The following MMP20 variants were observed in gnomAD, a reference collection of about 807,000 sequenced individuals.
MMP20 encodes matrix metalloproteinase-20.
In MMP20, 50 loss-of-function variants were observed where a neutral mutation model predicts 51.8. That is an observed-to-expected ratio of 0.97 (90% CI 0.77 to 1.22). MMP20 has a LOEUF of 1.22. MMP20 is among the 50% of genes most tolerant of loss of function. The pLI is 0.00. For missense variants in MMP20, 663 were observed against 601.4 expected, an observed-to-expected ratio of 1.10 and a Z score of -1.07; for synonymous variants, 244 against 216.2, an observed-to-expected ratio of 1.13 and a Z score of -1.13.
intron 8 of MMP20, among the ~76,000 whole-genome samples, chr11:102,586,229 C>A (rs1018320303): frequency 6.6e-6 from 1 of 152,074 alleles, no homozygotes; most frequent in Non-Finnish European, 1.5e-5. Flanking sequence ...GACATTAATT[C>A]TTCTTTCAAT....
At chr11:102,582,385 T>C (rs1267540254) in intron 8 of MMP20, among the ~76,000 whole-genome samples, 1 of 152,172 alleles carries the variant, frequency 6.6e-6, no homozygotes, top group Non-Finnish European at 1.5e-5. Context: ...AATTTACTGA[T>C]AAGGTTTCTA....
intron 8 of MMP20, among the ~76,000 whole-genome samples, chr11:102,587,137 G>A (rs1299502568): frequency 6.6e-6 from 1 of 151,756 alleles, no homozygotes; most frequent in Admixed American, 6.6e-5. Flanking sequence ...CATAAGTTCT[G>A]GTATGTTGTA....
chr11:102,602,011 G>T (rs1250182027), intron 6 of MMP20, among the ~76,000 whole-genome samples: 2 of 146,342 alleles, frequency 1.4e-5, no homozygotes, highest in African/African-American at 5.1e-5. Flanking sequence ...GTGCAGTGGC[G>T]CGATCTCGGC....
At chr11:102,610,284 CATGACATCTGTTA>C (rs1859580901) in intron 3 of MMP20, among the ~76,000 whole-genome samples, 1 of 150,636 alleles carries the variant, frequency 6.6e-6, no homozygotes, top group African/African-American at 2.4e-5. Flanking sequence ...TTGTTGCTAT[CATGACATCTGTTA>C]ACTGACACAT....
At position 102,592,242 on chromosome 11, in the gene MMP20, T is replaced by G. The variant is rs559635822; in HGVS notation, c.1247+1197A>C. On this transcript the variant is annotated intron_variant, in intron 8 of 9. Coordinates refer to ENST00000260228, the MANE Select transcript of MMP20 (RefSeq NM_004771.4). ...CTTAATAAGTGAATTCCTGTCATCA[T>G]GTTTTAAAAAGGAAGGTCTGAGAGA... Among the ~76,000 whole-genome samples the G allele has an allele frequency of 7.9e-5, 12 of 152,332 alleles. 1 individual carries two copies. The highest frequency in any genetic ancestry group is 1.5e-4 in the Non-Finnish European group (10 of 68,034).
chr11:102,579,594 A>G (rs1482673868), intron 8 of MMP20, among the ~76,000 whole-genome samples: 1 of 152,206 alleles, frequency 6.6e-6, no homozygotes, highest in Non-Finnish European at 1.5e-5. Context: ...GATTACAGGA[A>G]TAAGCCACTG....
chr11:102,624,875 C>T (rs1478848382), intron 1 of MMP20, among the ~76,000 whole-genome samples: 1 of 152,168 alleles, frequency 6.6e-6, no homozygotes, highest in Non-Finnish European at 1.5e-5. Context: ...TTCTATTTTT[C>T]CTCCTACATC....
intron 8 of MMP20, among the ~76,000 whole-genome samples, chr11:102,592,356 A>G (rs1859327618): frequency 6.6e-6 from 1 of 152,200 alleles, no homozygotes; most frequent in South Asian, 2.1e-4. Context: ...CAGGGCTCTC[A>G]GTGGCCCAGA....
chr11:102,609,113 A>G lies in MMP20; in HGVS notation c.650-15T>C. 1.2e-6 allele frequency: 2 copies of G among 1,613,706 alleles called. No individual in the cohort carries two copies. The highest frequency in any genetic ancestry group is 2.2e-5 in the South Asian group (2 of 91,042). The stretch of plus-strand genomic sequence containing the variant: ...CAAATTAAAACCTAGACAATATGAG[A>G]GAGAAAAAAACAGTATCAACACAGG... On this transcript the variant is annotated splice_polypyrimidine_tract_variant and intron_variant, in intron 4 of 9. Transcript: ENST00000260228.
intron 6 of MMP20, among the ~76,000 whole-genome samples, chr11:102,601,951 CTTT>C (rs11367730): frequency 9.8e-5 from 12 of 122,884 alleles, no homozygotes; most frequent in Non-Finnish European, 6.9e-5. Context: ...TTCTTTCTTT[CTTT>C]TTTTTTTTTT....
intron 1 of MMP20, 89 bp from the exon 2 acceptor site, chr11:102,617,148 A>G: frequency 6.8e-7 from 1 of 1,480,180 alleles, no homozygotes; most frequent in Non-Finnish European, 9.4e-7. Context: ...TTCCTGATGT[A>G]TTAAAAGCAG....
At chr11:102,594,891 T>C in intron 6 of MMP20, 134 bp from the exon 7 acceptor site, 1 of 1,176,660 alleles carries the variant, frequency 8.5e-7, no homozygotes, top group Non-Finnish European at 1.2e-6. Flanking sequence ...TGCCTTGCCT[T>C]GTTTTTTTTC....
At chr11:102,606,175 C>T (rs928400828) in intron 6 of MMP20, among the ~76,000 whole-genome samples, 1 of 152,222 alleles carries the variant, frequency 6.6e-6, no homozygotes, top group Non-Finnish European at 1.5e-5. Context: ...TCAATTCAGG[C>T]TGGTGTCCTA....
At chr11:102,595,927 AT>A (rs1435156224) in intron 6 of MMP20, among the ~76,000 whole-genome samples, 2 of 152,244 alleles carry the variant, frequency 1.3e-5, no homozygotes, top group African/African-American at 2.4e-5. Flanking sequence ...AAATTTTGAC[AT>A]TGAACTTTCC....
intron 1 of MMP20, among the ~76,000 whole-genome samples, chr11:102,620,122 C>T (rs1859731180): frequency 6.6e-6 from 1 of 152,160 alleles, no homozygotes; most frequent in Non-Finnish European, 1.5e-5. Flanking sequence ...TCCTTCCAGT[C>T]AGGCACCGTT....
At chr11:102,616,645 A>T (rs1859674718) in intron 2 of MMP20, among the ~76,000 whole-genome samples, 167 bp downstream of exon 2, 2 of 152,194 alleles carry the variant, frequency 1.3e-5, no homozygotes, top group African/African-American at 4.8e-5. Context: ...TTTCTGGTGA[A>T]TTGCCCATTG....
chr11:102,623,892 C>T (rs1272663294), intron 1 of MMP20, among the ~76,000 whole-genome samples: 2 of 152,084 alleles, frequency 1.3e-5, no homozygotes, highest in African/African-American at 4.8e-5. Flanking sequence ...GAAGAAGGCA[C>T]CTAAAGCTAG....
At chr11:102,617,182 T>A in intron 1 of MMP20, 123 bp from the exon 2 acceptor site, 1 of 1,193,060 alleles carries the variant, frequency 8.4e-7, no homozygotes, top group Admixed American at 2.0e-5. Context: ...TTCCCATTTA[T>A]GAAAAAAGTA....
At chr11:102,582,567 A>G (rs1859209447) in intron 8 of MMP20, among the ~76,000 whole-genome samples, 1 of 152,200 alleles carries the variant, frequency 6.6e-6, no homozygotes, top group South Asian at 2.1e-4. Flanking sequence ...CAGGTAGGAC[A>G]GTGATCGGGA....
Sources: allele counts gnomAD v4.1 joint callset (sites outside exome capture counted in the v4.1 genomes callset), GRCh38; gene constraint gnomAD v4.1.1; transcripts MANE v1.5; gene names NCBI Gene and HGNC (gene_info 2026-07-23, HGNC 2026-07-21).